Variants in IQCK observed in about 807,000 individuals in gnomAD.
IQCK encodes IQ motif containing K, also known as IQ domain-containing protein K.
In IQCK, 29 loss-of-function variants were observed where a neutral mutation model predicts 28.1. The observed-to-expected ratio is 1.03, with a 90% CI of 0.77 to 1.41. IQCK has a LOEUF of 1.41. Among genes scored for constraint, IQCK ranks in the 40% most tolerant of loss-of-function variants. The pLI, the probability that IQCK is intolerant of heterozygous loss-of-function variation, is 0.00. For missense variants in IQCK, 359 were observed against 314.7 expected, an observed-to-expected ratio of 1.14 and a Z score of -1.07; for synonymous variants, 113 against 115.1, an observed-to-expected ratio of 0.98 and a Z score of 0.12.
chr16:19,767,776 T>C (rs2151714991), intron 6 of IQCK, among the ~76,000 whole-genome samples: 1 of 151,938 alleles, frequency 6.6e-6, no homozygotes, highest in South Asian at 2.1e-4. Flanking sequence ...GACCACGCCC[T>C]CCTCTACGGA....
chr16:19,771,150 G>A (rs2055314557), intron 6 of IQCK, among the ~76,000 whole-genome samples: 1 of 152,180 alleles, frequency 6.6e-6, no homozygotes, highest in African/African-American at 2.4e-5. Flanking sequence ...GAACTGCAGT[G>A]GCACAATCAC....
Position 19,833,059 on chromosome 16 carries a change from G to A in IQCK, c.802+5922G>A, listed in dbSNP as rs542836522. Reference sequence around the variant, plus strand: ...TAATGATTACTATGATCAAATTAATGAACACATCTATCACCCTTAGTTACG... The same window carrying A: ...TAATGATTACTATGATCAAATTAATAAACACATCTATCACCCTTAGTTACG... On this transcript the variant is annotated intron_variant, in intron 9 of 9. Transcript: ENST00000320394. Among the ~76,000 whole-genome samples the A allele has an allele frequency of 2.6e-5, 4 of 152,252 alleles. No homozygotes were observed. The South Asian group carries it at 8.3e-4, about 32-fold the overall frequency.
At position 19,803,951 on chromosome 16, in the gene IQCK, A is replaced by G. The variant is rs1169904431; in HGVS notation, c.690+15029A>G. 2.0e-5 allele frequency among the ~76,000 whole-genome samples: 3 copies of G among 152,194 alleles called. No individual in the cohort carries two copies. In the East Asian group the frequency reaches 5.8e-4, roughly 29 times the overall value. On this transcript the variant is annotated intron_variant, in intron 7 of 7. Coordinates refer to ENST00000564186, the Ensembl canonical transcript of IQCK. ...ATGTGGGCCACCGTGCCCAGTCTCT[A>G]AATGTAACAACACAGGAGATAGTGT...
At chr16:19,855,250 G>T (rs2056543691) in intron 9 of IQCK, among the ~76,000 whole-genome samples, 1 of 152,132 alleles carries the variant, frequency 6.6e-6, no homozygotes, top group Non-Finnish European at 1.5e-5. Context: ...TTTGAAGACT[G>T]CAGGGCTGGT....
At chr16:19,848,285 G>A (rs189066464) in intron 9 of IQCK, among the ~76,000 whole-genome samples, 298 of 152,250 alleles carry the variant, frequency 2.0e-3, no homozygotes, top group Non-Finnish European at 3.1e-3. Flanking sequence ...CAGCCATTGG[G>A]ACCGTATTTC....
intron 4 of IQCK, among the ~76,000 whole-genome samples, chr16:19,756,413 A>G (rs1275164948): frequency 6.6e-6 from 1 of 152,200 alleles, no homozygotes; most frequent in Non-Finnish European, 1.5e-5. Flanking sequence ...CGAGCCGAAT[A>G]TGACTAAACA....
At chr16:19,802,584 G>C (rs1206280768) in intron 7 of IQCK, among the ~76,000 whole-genome samples, 1 of 135,594 alleles carries the variant, frequency 7.4e-6, no homozygotes, top group Non-Finnish European at 1.6e-5. Context: ...TGCAGCTGTT[G>C]GCTCTATTTT....
intron 4 of IQCK, among the ~76,000 whole-genome samples, chr16:19,738,204 A>G (rs1455640830): frequency 1.3e-5 from 2 of 152,196 alleles, no homozygotes; most frequent in Non-Finnish European, 2.9e-5. Flanking sequence ...TAAATATTAA[A>G]TAAGTGAATG....
downstream of IQCK, among the ~76,000 whole-genome samples, chr16:19,828,946 TTTAA>T (rs1250657469): frequency 1.0e-4 from 15 of 143,878 alleles, no homozygotes; most frequent in African/African-American, 3.5e-4. Flanking sequence ...ATTTTAATTA[TTTAA>T]TTATTTAAAT....
intron 9 of IQCK, among the ~76,000 whole-genome samples, chr16:19,840,947 C>T (rs774307888): frequency 8.5e-5 from 13 of 152,176 alleles, no homozygotes; most frequent in East Asian, 1.9e-4. Context: ...TAAAGAGTAA[C>T]GATCCCGCCC....
At chr16:19,759,516 A>G (rs1007747658) in intron 4 of IQCK, among the ~76,000 whole-genome samples, 4 of 152,136 alleles carry the variant, frequency 2.6e-5, no homozygotes, top group African/African-American at 9.7e-5. Context: ...GCCTCAGTGC[A>G]GTCAGTTAAG....
chr16:19,841,916 G>A (rs1301533271), intron 9 of IQCK, among the ~76,000 whole-genome samples: 1 of 151,244 alleles, frequency 6.6e-6, no homozygotes, highest in Non-Finnish European at 1.5e-5. Flanking sequence ...TGCGATCTCA[G>A]CTCACTGCAA....
At position 19,767,609 on chromosome 16, in the gene IQCK, C is replaced by G. The variant is rs1388859905; in HGVS notation, c.605+3497C>G. On this transcript the variant is annotated intron_variant, in intron 6 of 7. Coordinates refer to ENST00000564186, the Ensembl canonical transcript of IQCK. ...TCTTTTTCCGCTGAAGTGCTCCTCTCGACGTTTGGCTGCCTGGGTGTCTGC... is the reference window on the plus strand; with the variant it reads ...TCTTTTTCCGCTGAAGTGCTCCTCTGGACGTTTGGCTGCCTGGGTGTCTGC... Among the ~76,000 whole-genome samples, 4 of 152,208 alleles carry G rather than the reference C, an allele frequency of 2.6e-5. No individual in the cohort carries two copies. The South Asian group carries it at 8.3e-4, about 32-fold the overall frequency.
chr16:19,763,885 CTGAG>C lies in IQCK; in HGVS notation c.515_518del (p.Glu172GlyfsTer27). The C allele has an allele frequency of 6.2e-7, 1 of 1,613,710 alleles. No homozygotes were observed. Among genetic ancestry groups the C allele is most frequent in the East Asian group, 2.2e-5 (1 of 44,876 alleles). On this transcript the variant is annotated frameshift_variant, in exon 5 of 8. Coordinates refer to ENST00000564186, the Ensembl canonical transcript of IQCK. LOFTEE classifies it high-confidence loss of function. ...AAATTCATTGCCTGTGATTTTCTGACTGAGTGGTTATACAAGTAAGTTGTTCGTG... is the reference window on the plus strand; with the variant it reads ...AAATTCATTGCCTGTGATTTTCTGACTGGTTATACAAGTAAGTTGTTCGTG...
At chr16:19,776,870 A>T (rs1463301542) in intron 6 of IQCK, among the ~76,000 whole-genome samples, 1 of 152,194 alleles carries the variant, frequency 6.6e-6, no homozygotes, top group Non-Finnish European at 1.5e-5. Context: ...CTTTTGTAGT[A>T]TATAGTCGTG....
At chr16:19,755,333 G>A (rs1343708397) in intron 4 of IQCK, among the ~76,000 whole-genome samples, 2 of 152,150 alleles carry the variant, frequency 1.3e-5, no homozygotes, top group Non-Finnish European at 2.9e-5. Context: ...ACTCTTAGAT[G>A]GCAAATGACT....
At chr16:19,767,219 C>T (rs747866568) in intron 6 of IQCK, among the ~76,000 whole-genome samples, 1 of 152,170 alleles carries the variant, frequency 6.6e-6, no homozygotes, top group East Asian at 1.9e-4. Context: ...ACCAGGTGCT[C>T]TCTTAGTTTG....
intron 6 of IQCK, among the ~76,000 whole-genome samples, chr16:19,772,621 A>G (rs1386491870): frequency 1.3e-5 from 2 of 152,200 alleles, no homozygotes; most frequent in African/African-American, 2.4e-5. Flanking sequence ...GGAGAACAGT[A>G]TAATTGAAGC....
rs4780828 is a variant in IQCK at position 19,782,658 on chromosome 16, T to C, written c.606-6180T>C. On this transcript the variant is annotated intron_variant, in intron 6 of 7. Coordinates refer to ENST00000564186, the Ensembl canonical transcript of IQCK. ...GAAAAGAGAAAGAGAGAAAGAAAAGTGGATAGAATTTTGATTCCAAAATTT... is the reference window on the plus strand; with the variant it reads ...GAAAAGAGAAAGAGAGAAAGAAAAGCGGATAGAATTTTGATTCCAAAATTT... Among the ~76,000 whole-genome samples the C allele has an allele frequency of 2.0e-5, 3 of 151,890 alleles. No individual in the cohort carries two copies. In the East Asian group the frequency reaches 5.8e-4, roughly 29 times the overall value.
Sources: gnomAD v4.1 joint callset for allele counts (sites outside exome capture counted in the v4.1 genomes callset) on GRCh38, gnomAD v4.1.1 for gene constraint, MANE v1.5 for transcripts, NCBI Gene and HGNC (gene_info 2026-07-23, HGNC 2026-07-21) for gene names.